Variants in CDH4 observed in about 807,000 individuals in gnomAD.
CDH4 encodes the protein cadherin-4.
CDH4 carries 33 observed loss-of-function variants against 86.0 expected under a neutral mutation model. That is an observed-to-expected ratio of 0.38 (90% confidence interval 0.29 to 0.51). The LOEUF (loss-of-function observed/expected upper bound fraction) is 0.51, where lower values mean the gene tolerates loss of function less well. Ranked by LOEUF, CDH4 falls within the 20% of genes least tolerant of loss-of-function variation. The probability of loss-of-function intolerance (pLI) is 0.86; values close to 1 mark genes in which losing one functional copy is unlikely to be tolerated. For synonymous variants in CDH4, 555 were observed against 549.4 expected, an observed-to-expected ratio of 1.01 and a Z score of -0.14; for missense variants, 1,114 against 1,307.4, an observed-to-expected ratio of 0.85 and a Z score of 2.28.
chr20:61,806,624 G>T (rs1980149934), intron 4 of CDH4, among the ~76,000 whole-genome samples: 1 of 152,212 alleles, frequency 6.6e-6, no homozygotes, highest in Non-Finnish European at 1.5e-5. Context: ...GGGGGCTGTA[G>T]CAGAGGCCGG....
At chr20:61,683,404 C>T (rs1327770144) in intron 2 of CDH4, among the ~76,000 whole-genome samples, 2 of 152,198 alleles carry the variant, frequency 1.3e-5, no homozygotes, top group Non-Finnish European at 2.9e-5. Context: ...CTGCAGTGAA[C>T]GGCACGGGTT....
chr20:61,743,572 G>A lies in CDH4; in HGVS notation c.179G>A (p.Ser60Asn). ...EGEKLLQVKF[S>N]SCVGTKGTQY... is the part of the protein sequence containing the mutation. ...CCCCCTCCTCTTGCAGTCAAGTTCA[G>A]CAGCTGTGTGGGGACCAAGGGGACA... Residue 60 changes from serine (S) to asparagine (N), a missense_variant, in exon 3 of 16, where the codon AGC (serine) becomes AAC (asparagine). Ser to Asn is a conservative substitution (Grantham distance 46). This residue lies in a region of CDH4 where 221 missense variants were observed against 209.5 expected (regional missense o/e 1.05). Transcript: ENST00000614565. The A allele has an allele frequency of 6.4e-7, 1 of 1,562,490 alleles. No individual in the cohort carries two copies. Among genetic ancestry groups the A allele is most frequent in the South Asian group, 1.2e-5 (1 of 84,888 alleles).
chr20:61,270,998 A>G (rs2084180380), intron 2 of CDH4, among the ~76,000 whole-genome samples: 1 of 152,190 alleles, frequency 6.6e-6, no homozygotes, highest in African/African-American at 2.4e-5. Flanking sequence ...CTACGGGGCA[A>G]TGTTAAATAC....
chr20:61,324,845 T>A (rs1281368583), intron 2 of CDH4, among the ~76,000 whole-genome samples: 4 of 152,166 alleles, frequency 2.6e-5, no homozygotes, highest in Non-Finnish European at 4.4e-5. Flanking sequence ...TTATAGAGGG[T>A]GTGGCAGGCA....
At chr20:61,527,214 A>G (rs995643667) in intron 2 of CDH4, among the ~76,000 whole-genome samples, 5 of 151,758 alleles carry the variant, frequency 3.3e-5, no homozygotes, top group Admixed American at 6.6e-5. Flanking sequence ...CTAACCTACT[A>G]TCTCCCAATA....
intron 2 of CDH4, among the ~76,000 whole-genome samples, chr20:61,652,338 C>G (rs1323583211): frequency 7.8e-6 from 1 of 128,304 alleles, no homozygotes; most frequent in Non-Finnish European, 1.9e-5. Flanking sequence ...GGACCGTACC[C>G]TACATACTAA....
At chr20:61,914,401 T>C (rs55660325) in intron 9 of CDH4, among the ~76,000 whole-genome samples, 2 of 152,174 alleles carry the variant, frequency 1.3e-5, no homozygotes, top group African/African-American at 4.8e-5. Context: ...TGTCTGCTCT[T>C]TCCTCTTTAA....
chr20:61,628,767 G>C (rs561114927), intron 2 of CDH4, among the ~76,000 whole-genome samples: 1 of 152,312 alleles, frequency 6.6e-6, no homozygotes, highest in African/African-American at 2.4e-5. Context: ...GACAGAGCCT[G>C]CTCCCCAGCC....
At chr20:61,512,908 T>G (rs567122392) in intron 2 of CDH4, among the ~76,000 whole-genome samples, 5 of 152,220 alleles carry the variant, frequency 3.3e-5, no homozygotes, top group African/African-American at 4.8e-5. Flanking sequence ...GTTTGTGTGT[T>G]TGTTTGTTTT....
At chr20:61,690,760 C>T (rs1294923686) in intron 2 of CDH4, among the ~76,000 whole-genome samples, 2 of 152,136 alleles carry the variant, frequency 1.3e-5, no homozygotes, top group Non-Finnish European at 2.9e-5. Flanking sequence ...GGACTTGCTG[C>T]GAGTCCTCAT....
At chr20:61,635,930 C>T (rs1191008791) in intron 2 of CDH4, among the ~76,000 whole-genome samples, 2 of 152,178 alleles carry the variant, frequency 1.3e-5, no homozygotes, top group South Asian at 2.1e-4. Context: ...GGGGGCTTCC[C>T]GCAGTCTTCC....
rs1443948358 is a variant in CDH4 at position 61,902,189 on chromosome 20, G to C, written c.1188+7142G>C. On this transcript the variant is annotated intron_variant, in intron 8 of 15. Transcript: ENST00000614565. The surrounding 1 kb of genome is among the most constrained non-coding windows in gnomAD (Gnocchi z 4.6). ...AGGCGGGTCCTCGGCAGGCGTGGAG[G>C]CATCGTGGATGGCCGTTTTCAGAGC... Among the ~76,000 whole-genome samples the C allele has an allele frequency of 6.6e-6, 1 of 152,218 alleles. No homozygotes were observed. Among genetic ancestry groups the C allele is most frequent in the Admixed American group, 6.5e-5 (1 of 15,280 alleles).
rs913462801 is a variant in CDH4 at position 61,825,537 on chromosome 20, G to A, written c.577-19131G>A. On this transcript the variant is annotated intron_variant, in intron 4 of 15. Coordinates refer to ENST00000614565, the MANE Select transcript of CDH4 (RefSeq NM_001794.5). Reference sequence around the variant, plus strand: ...GACAAGGCACTGTTCTCAGTGCCTCGTATAAAGATCTCAGTTAATACTCAC... The same window carrying A: ...GACAAGGCACTGTTCTCAGTGCCTCATATAAAGATCTCAGTTAATACTCAC... Among the ~76,000 whole-genome samples the A allele has an allele frequency of 2.6e-5, 4 of 152,252 alleles. 1 individual carries two copies. The highest frequency in any genetic ancestry group is 4.2e-4 in the South Asian group (2 of 4,810).
chr20:61,777,404 C>T (rs573394497), intron 4 of CDH4, among the ~76,000 whole-genome samples: 11 of 152,342 alleles, frequency 7.2e-5, no homozygotes, highest in Admixed American at 2.0e-4. Context: ...CTGCAAGTAT[C>T]GCTGTGGCTC....
Position 61,539,562 on chromosome 20 carries a change from T to A in CDH4, c.170-204001T>A, listed in dbSNP as rs568611221. ...CCCACCCTAATGGCCTGATTTTGCCTTAACCCCGTTTTAAAGGCCCAGCTC... is the reference window on the plus strand; with the variant it reads ...CCCACCCTAATGGCCTGATTTTGCCATAACCCCGTTTTAAAGGCCCAGCTC... On this transcript the variant is annotated intron_variant, in intron 2 of 15. Transcript: ENST00000614565. Among the ~76,000 whole-genome samples, 4 of 152,328 alleles carry A rather than the reference T, an allele frequency of 2.6e-5. No homozygotes were observed. In the South Asian group the frequency reaches 6.2e-4, roughly 24 times the overall value.
intron 6 of CDH4, among the ~76,000 whole-genome samples, chr20:61,866,019 T>C (rs1469046132): frequency 6.6e-6 from 1 of 152,188 alleles, no homozygotes; most frequent in East Asian, 1.9e-4. Context: ...GATCATACGG[T>C]ACCCTGTCAC....
chr20:61,296,269 G>GTGTACA (rs1568786555), intron 2 of CDH4, among the ~76,000 whole-genome samples: 2 of 144,458 alleles, frequency 1.4e-5, no homozygotes, highest in African/African-American at 2.7e-5. Context: ...GTGCGTGTGT[G>GTGTACA]TGTGTGCGTG....
At chr20:61,436,554 T>G (rs1764587384) in intron 2 of CDH4, 1 of 152,408 alleles carries the variant, frequency 6.6e-6, no homozygotes, top group Non-Finnish European at 1.5e-5. Flanking sequence ...TTTCCATCCC[T>G]CTGTCATGGA....
intron 2 of CDH4, among the ~76,000 whole-genome samples, chr20:61,483,700 A>AAC (rs1221331298): frequency 1.3e-4 from 2 of 15,540 alleles, no homozygotes; most frequent in Non-Finnish European, 2.7e-4. Context: ...CGCTGCCCCC[A>AAC]ACACACACAC....
Sources: gnomAD v4.1 joint callset for allele counts (sites outside exome capture counted in the v4.1 genomes callset) on GRCh38, gnomAD v4.1.1 for gene constraint, gnomAD v4.1.1 regional missense constraint, Gnocchi (gnomAD v3.1) non-coding constraint, MANE v1.5 for transcripts, NCBI Gene and HGNC (gene_info 2026-07-23, HGNC 2026-07-21) for gene names.